HERC3: variants seen among roughly 807,000 people sequenced by gnomAD.
The protein encoded by HERC3 is HECT and RLD domain containing E3 ubiquitin protein ligase 3, also known as probable E3 ubiquitin-protein ligase HERC3.
Under a neutral mutation model 129.9 loss-of-function variants are expected in HERC3, and 58 were observed. That is an observed-to-expected ratio of 0.45 (90% confidence interval 0.36 to 0.56). The LOEUF is 0.56. HERC3 is among the 20% of genes least tolerant of loss of function. The pLI is 0.00. For synonymous variants in HERC3, 430 were observed against 451.0 expected (o/e 0.95, Z 0.59); for missense variants, 835 against 1,244.2 (o/e 0.67, Z 4.95).
intron 23 of HERC3, among the ~76,000 whole-genome samples, chr4:88,699,880 C>T (rs534099356): frequency 9.9e-5 from 15 of 152,162 alleles, no homozygotes; most frequent in Admixed American, 5.2e-4. Context: ...AAAATTTGTC[C>T]TTTTGGGCGT....
the HERC3 span, among the ~76,000 whole-genome samples, chr4:88,551,949 C>A: frequency 6.6e-6 from 1 of 152,070 alleles, no homozygotes. Flanking sequence ...GAATACTATG[C>A]AGCCATAAAA....
the HERC3 span, among the ~76,000 whole-genome samples, chr4:88,526,381 A>G: frequency 6.6e-6 from 1 of 152,168 alleles, no homozygotes; most frequent in South Asian, 2.1e-4. Context: ...GTGAACCTGC[A>G]ATCCAAAGAA....
At chr4:88,655,375 G>A in intron 8 of HERC3, 71 bp downstream of exon 8, 5 of 1,544,958 alleles carry the variant, frequency 3.2e-6, no homozygotes, top group Non-Finnish European at 4.4e-6. Context: ...TAGTGATGAA[G>A]AATGTGATTA....
chr4:88,546,475 T>C, the HERC3 span, among the ~76,000 whole-genome samples: 1 of 152,102 alleles, frequency 6.6e-6, no homozygotes, highest in African/African-American at 2.4e-5. Flanking sequence ...TTTTTAGTTC[T>C]TTGTTTCCCC....
chr4:88,583,242 C>T, the HERC3 span, among the ~76,000 whole-genome samples: 1 of 151,658 alleles, frequency 6.6e-6, no homozygotes, highest in Admixed American at 6.6e-5. Context: ...TTGAGATCAT[C>T]CTGGCCAAAA....
chr4:88,638,488 AC>A (rs1727687154), intron 3 of HERC3, among the ~76,000 whole-genome samples: 1 of 152,222 alleles, frequency 6.6e-6, no homozygotes, highest in African/African-American at 2.4e-5. Flanking sequence ...CAATGATAAA[AC>A]CATATGATTA....
chr4:88,572,805 C>CA, the HERC3 span, among the ~76,000 whole-genome samples: 8,725 of 139,764 alleles, frequency 0.062, 474 homozygotes, highest in African/African-American at 0.14. Flanking sequence ...AAGACTGTCT[C>CA]AAAAAAAAAA....
chr4:88,524,295 C>T, the HERC3 span, among the ~76,000 whole-genome samples: 1 of 152,162 alleles, frequency 6.6e-6, no homozygotes, highest in Non-Finnish European at 1.5e-5. Flanking sequence ...ATTCTTCCTG[C>T]CTGAGACCCA....
chr4:88,538,872 A>G, the HERC3 span, among the ~76,000 whole-genome samples: 1 of 152,096 alleles, frequency 6.6e-6, no homozygotes, highest in Non-Finnish European at 1.5e-5. Context: ...GACATCTGTC[A>G]TATTGAATCA....
chr4:88,590,299 G>A (rs1240815265), upstream of HERC3, among the ~76,000 whole-genome samples: 1 of 151,600 alleles, frequency 6.6e-6, no homozygotes, highest in African/African-American at 2.4e-5. Flanking sequence ...GGTGGCTCAC[G>A]CCTGTAATCC....
At chr4:88,524,424 T>C in the HERC3 span, among the ~76,000 whole-genome samples, 4 of 152,182 alleles carry the variant, frequency 2.6e-5, no homozygotes, top group Non-Finnish European at 4.4e-5. Context: ...CTGTTAAAGA[T>C]CCATTCAATG....
At chr4:88,672,154 GAATAA>G (rs2149304051) in intron 16 of HERC3, among the ~76,000 whole-genome samples, 1 of 152,210 alleles carries the variant, frequency 6.6e-6, no homozygotes, top group South Asian at 2.1e-4. Context: ...ACTTGATGCT[GAATAA>G]AATAAGTCTA....
At chr4:88,697,265 C>A in intron 23 of HERC3, 1 of 1,573,338 alleles carries the variant, frequency 6.4e-7, no homozygotes. Context: ...GCCCCCGCGG[C>A]AGCCTCTGCC....
intron 5 of HERC3, among the ~76,000 whole-genome samples, chr4:88,652,382 C>T (rs1183895939): frequency 9.9e-5 from 15 of 152,098 alleles, no homozygotes; most frequent in African/African-American, 3.1e-4. Flanking sequence ...TTTTTCTTAG[C>T]GACAGCCAAC....
the HERC3 span, among the ~76,000 whole-genome samples, chr4:88,533,702 T>C: frequency 1.3e-5 from 2 of 152,220 alleles, no homozygotes; most frequent in African/African-American, 4.8e-5. Flanking sequence ...AGCACTTTGA[T>C]CTTAATAGTC....
the HERC3 span, among the ~76,000 whole-genome samples, chr4:88,544,146 GGA>G: frequency 6.6e-6 from 1 of 152,060 alleles, no homozygotes; most frequent in Non-Finnish European, 1.5e-5. Context: ...CTACAGAATG[GGA>G]GAAAATTTTT....
At chr4:88,550,636 G>C in the HERC3 span, among the ~76,000 whole-genome samples, 3 of 152,138 alleles carry the variant, frequency 2.0e-5, no homozygotes, top group East Asian at 5.8e-4. Context: ...AATAAAAGAG[G>C]ATACAAACAA....
chr4:88,666,604 A>T (rs1214033600), intron 12 of HERC3, among the ~76,000 whole-genome samples: 3 of 152,230 alleles, frequency 2.0e-5, no homozygotes, highest in Middle Eastern at 3.2e-3. Flanking sequence ...TATTAAAATC[A>T]TCTGAATGTG....
At position 88,702,903 on chromosome 4, in the gene HERC3, A is replaced by C. The variant is rs937053064; in HGVS notation, c.2658-1195A>C. On this transcript the variant is annotated intron_variant, in intron 23 of 25. Coordinates refer to ENST00000402738, the MANE Select transcript of HERC3 (RefSeq NM_014606.3). Reference sequence around the variant, plus strand: ...CCTATGGACAATGGCCAGGCCATATATAAATAAACATGGAGCTGAGACCCA... The same window carrying C: ...CCTATGGACAATGGCCAGGCCATATCTAAATAAACATGGAGCTGAGACCCA... Among the ~76,000 whole-genome samples, 5 of 152,214 alleles carry C rather than the reference A, an allele frequency of 3.3e-5. No individual in the cohort carries two copies. In the East Asian group the frequency reaches 9.6e-4, roughly 29 times the overall value.
Sources: allele counts gnomAD v4.1 joint callset (sites outside exome capture counted in the v4.1 genomes callset), GRCh38; gene constraint gnomAD v4.1.1; transcripts MANE v1.5; gene names NCBI Gene and HGNC (gene_info 2026-07-23, HGNC 2026-07-21).